The following NELL1 variants were observed in gnomAD, a reference collection of about 807,000 sequenced individuals.
NELL1 encodes protein kinase C-binding protein NELL1.
In NELL1, 76 loss-of-function variants were observed where a neutral mutation model predicts 107.4. The ratio of observed to expected loss-of-function variants is 0.71; its 90% CI spans 0.59 to 0.86. The LOEUF (loss-of-function observed/expected upper bound fraction) is 0.86, where lower values mean the gene tolerates loss of function less well. Among genes scored for constraint, NELL1 ranks in the 40% least tolerant of loss-of-function variants. The pLI, the probability that NELL1 is intolerant of heterozygous loss-of-function variation, is 0.00. For missense variants in NELL1, 1,024 were observed against 1,005.5 expected (o/e 1.02, Z -0.25); for synonymous variants, 353 against 341.2 (o/e 1.03, Z -0.38).
intron 4 of NELL1, among the ~76,000 whole-genome samples, chr11:20,850,165 G>A (rs1178412587): frequency 6.6e-6 from 1 of 152,216 alleles, no homozygotes; most frequent in Non-Finnish European, 1.5e-5. Flanking sequence ...TTCTTCACAA[G>A]TTTCTTCCCA....
chr11:21,539,438 A>G (rs1856232572), intron 16 of NELL1, among the ~76,000 whole-genome samples: 1 of 152,062 alleles, frequency 6.6e-6, no homozygotes, highest in African/African-American at 2.4e-5. Context: ...GGTGTCCAGG[A>G]AAAATCATAT....
chr11:20,955,125 T>TA (rs1414215433), intron 11 of NELL1, among the ~76,000 whole-genome samples: 2 of 152,212 alleles, frequency 1.3e-5, no homozygotes, highest in African/African-American at 4.8e-5. Context: ...ACGTGATGCC[T>TA]AAAAGTACCC....
At chr11:21,159,937 C>G (rs1030503469) in intron 13 of NELL1, among the ~76,000 whole-genome samples, 1 of 152,184 alleles carries the variant, frequency 6.6e-6, no homozygotes, top group Non-Finnish European at 1.5e-5. Flanking sequence ...CTCTCAGGAC[C>G]AGATGTGTCC....
rs1254228349 is a variant in NELL1 at position 20,817,273 on chromosome 11, C to CT, written c.336-30302dup. Among the ~76,000 whole-genome samples the CT allele has an allele frequency of 2.1e-4, 32 of 151,630 alleles. No homozygotes were observed. The South Asian group carries it at 6.3e-3, about 30-fold the overall frequency. On this transcript the variant is annotated intron_variant, in intron 3 of 19. Transcript: ENST00000357134. ...GGCAGTAAGTCTGTCTGGTCTAGGG[C>CT]TTTTTTTTGCTTGGTAATTTTTTTA...
rs933044775 is a variant in NELL1 at position 21,515,004 on chromosome 11, G to A, written c.1646-19370G>A. 6.6e-5 allele frequency among the ~76,000 whole-genome samples: 10 copies of A among 152,130 alleles called. No individual in the cohort carries two copies. In the East Asian group the frequency reaches 1.4e-3, roughly 21 times the overall value. ...GTTTCTTATAGCTTGCAGGTAGGGC[G>A]GGTAGGTGGTAAAATTGAGGGTAAA... On this transcript the variant is annotated intron_variant, in intron 15 of 19. Transcript: ENST00000357134.
intron 14 of NELL1, among the ~76,000 whole-genome samples, chr11:21,264,728 G>T (rs1265862514): frequency 1.3e-5 from 2 of 151,660 alleles, no homozygotes; most frequent in Non-Finnish European, 2.9e-5. Flanking sequence ...ATGGTTGCCT[G>T]AGCTGGTGAC....
intron 17 of NELL1, among the ~76,000 whole-genome samples, chr11:21,561,605 T>G (rs555747126): frequency 6.6e-6 from 1 of 152,088 alleles, no homozygotes; most frequent in African/African-American, 2.4e-5. Context: ...GAACTCCACT[T>G]GCTTGGCTCA....
chr11:21,133,575 G>T (rs1197058347), intron 13 of NELL1, among the ~76,000 whole-genome samples: 3 of 152,182 alleles, frequency 2.0e-5, no homozygotes, highest in Admixed American at 1.3e-4. Flanking sequence ...TCCAGAAGGG[G>T]CCCCAAGGTA....
chr11:21,456,038 C>T lies in NELL1; in HGVS notation c.1646-78336C>T, dbSNP rs796771831. On this transcript the variant is annotated intron_variant, in intron 15 of 19. Transcript: ENST00000357134. ...GAGTGAGTAGCTGGGACTACAGGCA[C>T]GTGCCACCAAGCCTGGCTAATTATT... Among the ~76,000 whole-genome samples, 41 of 151,958 alleles carry T rather than the reference C, an allele frequency of 2.7e-4. 1 individual carries two copies. The highest frequency in any genetic ancestry group is 1.2e-4 in the African/African-American group (5 of 41,494).
chr11:20,674,173 T>C (rs868383839), intron 1 of NELL1, among the ~76,000 whole-genome samples: 8 of 152,274 alleles, frequency 5.3e-5, no homozygotes, highest in Middle Eastern at 3.4e-3. Context: ...AATATACATG[T>C]CATATATGGA....
Position 20,772,613 on chromosome 11 carries a change from TTTCATTCATTCA to T in NELL1, c.185-11047_185-11036del, listed in dbSNP as rs3045564. Among the ~76,000 whole-genome samples, 5 of 150,934 alleles carry T rather than the reference TTTCATTCATTCA, an allele frequency of 3.3e-5. No homozygotes were observed. In the East Asian group the frequency reaches 5.9e-4, roughly 18 times the overall value. ...GCCTATTACCTAAATATTAGGCACT[TTTCATTCATTCA>T]TTCATTCATTCATTCATTCCTGAAC... On this transcript the variant is annotated intron_variant, in intron 2 of 19. Transcript: ENST00000357134.
chr11:21,456,902 T>TTC (rs1554915721), intron 15 of NELL1, among the ~76,000 whole-genome samples: 10 of 152,026 alleles, frequency 6.6e-5, no homozygotes, highest in East Asian at 5.8e-4. Flanking sequence ...GTGTTTTTTT[T>TTC]CTAAGATACA....
At chr11:20,942,050 A>G (rs2134191976) in intron 10 of NELL1, among the ~76,000 whole-genome samples, 1 of 152,202 alleles carries the variant, frequency 6.6e-6, no homozygotes, top group East Asian at 1.9e-4. Flanking sequence ...TTTTCAACAC[A>G]CCTCTTGGAA....
chr11:21,061,178 A>C (rs1853733043), intron 12 of NELL1, among the ~76,000 whole-genome samples: 1 of 152,244 alleles, frequency 6.6e-6, no homozygotes, highest in African/African-American at 2.4e-5. Context: ...TAAACAAGAC[A>C]GATAAAGCCT....
At chr11:20,909,862 G>T (rs1374657545) in intron 5 of NELL1, among the ~76,000 whole-genome samples, 1 of 152,046 alleles carries the variant, frequency 6.6e-6, no homozygotes, top group Non-Finnish European at 1.5e-5. Context: ...TGTATTTTAA[G>T]TGCTAGGGTA....
intron 13 of NELL1, among the ~76,000 whole-genome samples, chr11:21,175,563 A>C (rs149962998): frequency 6.6e-6 from 1 of 151,984 alleles, no homozygotes; most frequent in Non-Finnish European, 1.5e-5. Flanking sequence ...AATGTGTGAC[A>C]GTGTTGGGTT....
intron 15 of NELL1, among the ~76,000 whole-genome samples, chr11:21,399,621 A>C (rs1297020393): frequency 6.6e-6 from 1 of 151,834 alleles, no homozygotes; most frequent in Non-Finnish European, 1.5e-5. Flanking sequence ...TTAAGCATAT[A>C]TTACTAATTT....
intron 4 of NELL1, among the ~76,000 whole-genome samples, chr11:20,866,057 C>T (rs1849089208): frequency 6.6e-6 from 1 of 152,136 alleles, no homozygotes. Context: ...ACCCTCCTGC[C>T]CCCTGCCTTC....
rs749100502 is a variant in NELL1, at chr11:21,560,260, T to C, written c.1858T>C (p.Phe620Leu). The C allele has an allele frequency of 9.9e-6, 16 of 1,613,494 alleles. No homozygotes were observed. The change falls in exon 17 of 20, where the codon TTT becomes CTT. Residue 620 changes from phenylalanine (F) to leucine (L), a missense_variant. Transcript: ENST00000357134. ...DSACINLAGG[F>L]DCLCPSGPSC... The stretch of plus-strand genomic sequence containing the variant: ...TGCCTGCATCAACCTGGCAGGGGGC[T>C]TTGACTGTCTCTGCCCCTCTGGGCC...
Sources: gnomAD v4.1 joint callset for allele counts (sites outside exome capture counted in the v4.1 genomes callset) on GRCh38, gnomAD v4.1.1 for gene constraint, MANE v1.5 for transcripts, NCBI Gene and HGNC (gene_info 2026-07-23, HGNC 2026-07-21) for gene names.